Variants in SLC39A6 observed in about 807,000 individuals in gnomAD.
SLC39A6 encodes solute carrier family 39 member 6, also known as zinc transporter ZIP6.
Under a neutral mutation model 63.5 loss-of-function variants are expected in SLC39A6, and 51 were observed. That is an observed-to-expected ratio of 0.80 (90% confidence interval 0.64 to 1.01). The LOEUF (loss-of-function observed/expected upper bound fraction) is 1.01, where lower values mean the gene tolerates loss of function less well. Ranked by LOEUF, SLC39A6 falls within the 50% of genes least tolerant of loss-of-function variation. The pLI is 0.00. For missense variants in SLC39A6, 805 were observed against 927.8 expected (o/e 0.87, Z 1.72); for synonymous variants, 318 against 324.7 (o/e 0.98, Z 0.22).
At chr18:36,122,937 G>T (rs2089406328) in intron 4 of SLC39A6, among the ~76,000 whole-genome samples, 2 of 152,208 alleles carry the variant, frequency 1.3e-5, no homozygotes, top group Admixed American at 6.5e-5. Flanking sequence ...TAGGTATGGT[G>T]TGATTTCCTT....
chr18:36,111,354 GA>G, intron 8 of SLC39A6, 105 bp from the exon 9 acceptor site: 2 of 1,095,234 alleles, frequency 1.8e-6, no homozygotes, highest in Non-Finnish European at 2.6e-6. Flanking sequence ...GTGTTTTTGA[GA>G]GGGGGAAAAG....
chr18:36,123,471 AAC>A (rs1280564324), intron 4 of SLC39A6, 22 bp downstream of exon 4: 1 of 1,570,620 alleles, frequency 6.4e-7, no homozygotes. Context: ...ATCAAACACT[AAC>A]AGGACAAATT....
Position 36,126,993 on chromosome 18 carries a change from T to C in SLC39A6, c.15A>G (p.Leu5=). The change falls in exon 2 of 10, where the codon TTA becomes TTG. Residue 5 remains leucine, a synonymous_variant. Transcript: ENST00000269187. ...CAAAGGTCAGGATCAAGATTACAGA[T>C]AACTTCCTCGCCATTGCGCCTTCCT... MARK[L]SVILILTFAL... 1 of 1,610,728 alleles carries C rather than the reference T, an allele frequency of 6.2e-7. No individual in the cohort carries two copies. The highest frequency in any genetic ancestry group is 8.5e-7 in the Non-Finnish European group (1 of 1,177,932).
chr18:36,122,549 A>G (rs2089403226), intron 4 of SLC39A6, among the ~76,000 whole-genome samples: 1 of 152,224 alleles, frequency 6.6e-6, no homozygotes, highest in African/African-American at 2.4e-5. Flanking sequence ...CATGGCCACA[A>G]ATAACAGGAA....
At chr18:36,128,016 T>TTA (rs1230321298) in intron 1 of SLC39A6, among the ~76,000 whole-genome samples, 2 of 152,158 alleles carry the variant, frequency 1.3e-5, no homozygotes, top group Non-Finnish European at 2.9e-5. Flanking sequence ...AAACTGAACT[T>TTA]CATGAAAAAC....
chr18:36,115,652 A>T (rs946407625), intron 6 of SLC39A6, among the ~76,000 whole-genome samples: 7 of 152,078 alleles, frequency 4.6e-5, no homozygotes, highest in Non-Finnish European at 1.0e-4. Context: ...AAGTACAAGG[A>T]ATAGTGAGTG....
At chr18:36,115,723 G>C (rs1228715138) in intron 6 of SLC39A6, among the ~76,000 whole-genome samples, 1 of 152,206 alleles carries the variant, frequency 6.6e-6, no homozygotes, top group Non-Finnish European at 1.5e-5. Context: ...TGGGGCTGGA[G>C]CACAGTGAAC....
chr18:36,117,093 C>T (rs890991677), intron 5 of SLC39A6, among the ~76,000 whole-genome samples: 3 of 152,174 alleles, frequency 2.0e-5, no homozygotes, highest in Admixed American at 6.6e-5. Flanking sequence ...AAAAATTAGC[C>T]GGGTGTGGTG....
At chr18:36,111,739 C>G (rs960711542) in intron 8 of SLC39A6, among the ~76,000 whole-genome samples, 1 of 152,176 alleles carries the variant, frequency 6.6e-6, no homozygotes, top group African/African-American at 2.4e-5. Flanking sequence ...CTTGCCCCGG[C>G]CTCCCGAAGT....
intron 1 of SLC39A6, among the ~76,000 whole-genome samples, chr18:36,127,802 C>T (rs1353974677): frequency 2.3e-5 from 3 of 132,542 alleles, no homozygotes; most frequent in South Asian, 2.4e-4. Flanking sequence ...TTTCTAGAGA[C>T]GAGGTCTCAC....
chr18:36,124,431 G>C lies in SLC39A6; in HGVS notation c.970+89C>G, dbSNP rs147035840. 7.5e-4 allele frequency: 617 copies of C among 822,234 alleles called. 6 individuals carry two copies. In the African/African-American group the frequency reaches 9.2e-3, roughly 12 times the overall value. The allele number at this position is 822,234 out of a possible 1,614,324, so 50.9% of individuals were successfully genotyped here. A position where few individuals can be genotyped will look rare whatever the true frequency, so the allele number is the denominator to read the frequency against. On this transcript the variant is annotated intron_variant, in intron 3 of 9. Transcript: ENST00000269187. ...AGATGACATATTCAGAATTGTACTG[G>C]AAAACAAATAGGCTGATGCAAATCT...
chr18:36,121,927 G>A (rs922143971), intron 5 of SLC39A6, 125 bp downstream of exon 5: 1 of 660,082 alleles, frequency 1.5e-6, no homozygotes, highest in Admixed American at 3.1e-5. Context: ...AGTACTTCAA[G>A]GGTACTGAAC....
chr18:36,123,590 T>C lies in SLC39A6; in HGVS notation c.1045A>G (p.Met349Val). 1 of 1,613,846 alleles carries C rather than the reference T, an allele frequency of 6.2e-7. No individual in the cohort carries two copies. Among genetic ancestry groups the C allele is most frequent in the Non-Finnish European group, 8.5e-7 (1 of 1,179,944 alleles). Residue 349 changes from methionine to valine, a missense_variant, in exon 4 of 10, where the codon ATG (methionine) becomes GTG (valine). Physicochemically the swap from Met to Val is conservative, Grantham distance 21 (BLOSUM62 1). Around this residue, in one of 4 missense-constraint regions of SLC39A6, gnomAD observed 639 missense variants for 644.0 expected, o/e 0.99. Coordinates refer to ENST00000269187, the MANE Select transcript of SLC39A6 (RefSeq NM_012319.4). The part of the protein sequence containing the change: ...SLLGVILVPL[M>V]NRVFFKFLLS... ...AGAAATTTGAAAAACACCCGATTCA[T>C]GAGAGGCACTAAGATAACCCCCAGC...
At chr18:36,124,468 C>T in intron 3 of SLC39A6, 52 bp downstream of exon 3, 1 of 1,187,508 alleles carries the variant, frequency 8.4e-7, no homozygotes, top group Admixed American at 2.0e-5. Flanking sequence ...AGGAAAAGCA[C>T]AATATAAATG....
chr18:36,120,556 A>G (rs2089384719), intron 5 of SLC39A6, among the ~76,000 whole-genome samples: 1 of 152,212 alleles, frequency 6.6e-6, no homozygotes, highest in African/African-American at 2.4e-5. Flanking sequence ...GCAAAAATCA[A>G]CTGTGTTAGT....
rs919820097 is a variant in SLC39A6, at chr18:36,109,381, G to C, written c.*212C>G. 1 of 385,378 alleles carries C rather than the reference G, an allele frequency of 2.6e-6. No individual in the cohort carries two copies. Among genetic ancestry groups the C allele is most frequent in the Non-Finnish European group, 4.6e-6 (1 of 215,196 alleles). The allele number at this position is 385,378 out of a possible 1,614,324, so 23.9% of individuals were successfully genotyped here. A position where few individuals can be genotyped will look rare whatever the true frequency, so the allele number is the denominator to read the frequency against. On this transcript the variant is annotated 3_prime_UTR_variant, in exon 10 of 10. Coordinates refer to ENST00000269187, the MANE Select transcript of SLC39A6 (RefSeq NM_012319.4). ...TACATAATAAACTGGTAATACCGGT[G>C]AATTGCACATACAGATTTTATCTCC...
Position 36,111,250 on chromosome 18 carries a change from C to T in SLC39A6, c.1925-1G>A. 1 of 1,610,784 alleles carries T rather than the reference C, an allele frequency of 6.2e-7. No individual in the cohort carries two copies. Among genetic ancestry groups the T allele is most frequent in the Non-Finnish European group, 8.5e-7 (1 of 1,178,444 alleles). On this transcript the variant is annotated splice_acceptor_variant, in intron 8 of 9. Transcript: ENST00000269187. LOFTEE classifies it high-confidence loss of function. ...GCCTTTAGTAGAACAGCAAAGTCACCTTTAACAGAAAACAAAAAAGGAGGA... is the reference window on the plus strand; with the variant it reads ...GCCTTTAGTAGAACAGCAAAGTCACTTTTAACAGAAAACAAAAAAGGAGGA...
chr18:36,124,444 C>G, intron 3 of SLC39A6, 76 bp downstream of exon 3: 1 of 909,060 alleles, frequency 1.1e-6, no homozygotes, highest in Middle Eastern at 3.7e-4. Flanking sequence ...AACAAATAGG[C>G]TGATGCAAAT....
intron 6 of SLC39A6, among the ~76,000 whole-genome samples, chr18:36,116,410 T>C (rs926142248): frequency 2.4e-4 from 36 of 152,154 alleles, no homozygotes; most frequent in African/African-American, 7.2e-4. Context: ...CTGGGGAATA[T>C]GAGTGAATGG....
Sources: gnomAD v4.1 joint callset for allele counts (sites outside exome capture counted in the v4.1 genomes callset) on GRCh38, gnomAD v4.1.1 for gene constraint, gnomAD v4.1.1 regional missense constraint, MANE v1.5 for transcripts, NCBI Gene and HGNC (gene_info 2026-07-23, HGNC 2026-07-21) for gene names.